The following IL17RB variants were observed in gnomAD, a reference collection of about 807,000 sequenced individuals.
IL17RB encodes the protein interleukin-17 receptor B.
A neutral mutation model predicts 43.9 loss-of-function variants in IL17RB; 36 were observed. The ratio of observed to expected loss-of-function variants is 0.82; its 90% confidence interval spans 0.63 to 1.08. The LOEUF (loss-of-function observed/expected upper bound fraction) is 1.08, where lower values mean the gene tolerates loss of function less well. Among genes scored for constraint, IL17RB ranks in the 50% least tolerant of loss-of-function variants. The pLI, the probability that IL17RB is intolerant of heterozygous loss-of-function variation, is 0.00. For missense variants in IL17RB, 613 were observed against 613.6 expected (o/e 1.00, Z 0.01); for synonymous variants, 225 against 225.4 (o/e 1.00, Z 0.02).
chr3:53,857,720 G>A (rs1171488102), intron 8 of IL17RB, 30 bp downstream of exon 8: 2 of 1,574,916 alleles, frequency 1.3e-6, no homozygotes, highest in Admixed American at 3.3e-5. Flanking sequence ...TCTGGGGAGG[G>A]AAGGGACATA....
chr3:53,861,576 GATTT>G (rs1699566643), intron 10 of IL17RB: 1 of 152,152 alleles, frequency 6.6e-6, no homozygotes, highest in African/African-American at 2.4e-5. Context: ...ACTCTAATAT[GATTT>G]GAGAAAAAGC....
chr3:53,858,799 C>T lies in IL17RB; in HGVS notation c.828C>T (p.Val276=). 6.2e-7 allele frequency: 1 copy of T among 1,614,108 alleles called. No homozygotes were observed. The highest frequency in any genetic ancestry group is 8.5e-7 in the Non-Finnish European group (1 of 1,179,946). The change falls in exon 9 of 11, where the codon GTC becomes GTT. Residue 276 remains valine (V), a synonymous_variant. Transcript: ENST00000288167. ...GTVVLCPQTG[V]PFPLDNNKSK... ...TTGTGCTCTGCCCACAAACAGGCGT[C>T]CCTTTCCCTCTGGATAACAGTAAGT...
Position 53,865,521 on chromosome 3 carries a change from A to G in IL17RB, c.*213A>G. ...TTACAACTTCAAAGCTGTTTTATACATAGAAATCAATTACAGTTTTAATTG... is the reference window on the plus strand; with the variant it reads ...TTACAACTTCAAAGCTGTTTTATACGTAGAAATCAATTACAGTTTTAATTG... On this transcript the variant is annotated 3_prime_UTR_variant, in exon 11 of 11. Coordinates refer to ENST00000288167, the MANE Select transcript of IL17RB (RefSeq NM_018725.4). The G allele has an allele frequency of 1.9e-6, 1 of 513,236 alleles. No individual in the cohort carries two copies. The highest frequency in any genetic ancestry group is 3.4e-6 in the Non-Finnish European group (1 of 292,522). The allele number at this position is 513,236 out of a possible 1,614,324, so 31.8% of individuals were successfully genotyped here.
chr3:53,857,795 A>ACTTAACTGGTGTCTGCTG, intron 8 of IL17RB, 105 bp downstream of exon 8: 1 of 1,018,010 alleles, frequency 9.8e-7, no homozygotes, highest in Non-Finnish European at 1.5e-6. Flanking sequence ...CACTTCTGCC[A>ACTTAACTGGTGTCTGCTG]GCAGACACCA....
intron 1 of IL17RB, among the ~76,000 whole-genome samples, chr3:53,847,569 G>C (rs1274968628): frequency 6.6e-6 from 1 of 151,966 alleles, no homozygotes; most frequent in Non-Finnish European, 1.5e-5. Context: ...TGAGGCGGCC[G>C]GATTGCCTGA....
In IL17RB at chr3:53,864,753, C is replaced by A. The variant is rs760286002; in HGVS notation, c.954C>A (p.Ile318=). The A allele has an allele frequency of 6.2e-7, 1 of 1,605,020 alleles. No individual in the cohort carries two copies. Among genetic ancestry groups the A allele is most frequent in the South Asian group, 1.1e-5 (1 of 90,334 alleles). ...GIYLMWRHER[I]KKTSFSTTTL... The stretch of plus-strand genomic sequence containing the variant: ...GCTTTTCTCCTCTCACAGAAAGGAT[C>A]AAGAAGACTTCCTTTTCTACCACCA... The change falls in exon 11 of 11, where the codon ATC becomes ATA. Residue 318 remains isoleucine (I), a synonymous_variant. Coordinates refer to ENST00000288167, the MANE Select transcript of IL17RB (RefSeq NM_018725.4).
At chr3:53,864,510 G>A (rs1315302256) in intron 10 of IL17RB, among the ~76,000 whole-genome samples, 3 of 152,140 alleles carry the variant, frequency 2.0e-5, no homozygotes, top group Admixed American at 2.0e-4. Context: ...ACTCCAGCCT[G>A]GGCGACAGAG....
chr3:53,858,789 AAAC>A lies in IL17RB; in HGVS notation c.820_822del (p.Thr274del). 1 of 1,614,198 alleles carries A rather than the reference AAAC, an allele frequency of 6.2e-7. No individual in the cohort carries two copies. The highest frequency in any genetic ancestry group is 1.6e-4 in the Middle Eastern group (1 of 6,062). On this transcript the variant is annotated inframe_deletion, in exon 9 of 11. Transcript: ENST00000288167. ...AAAGGAACAGTTGTGCTCTGCCCAC[AAAC>A]AGGCGTCCCTTTCCCTCTGGATAAC...
rs1457069429 is a variant in IL17RB at position 53,860,204 on chromosome 3, G to C, written c.922G>C (p.Gly308Arg). ...GGTGGCCACATGGGTGCTGGTGGCA[G>C]GGATCTATCTAATGTGGAGGCACGG... Reference protein sequence around the residue: ...LLVATWVLVAGIYLMWRHERI... With the variant: ...LLVATWVLVARIYLMWRHERI... Residue 308 changes from glycine (G) to arginine (R), a missense_variant, in exon 10 of 11, where the codon GGG (glycine) becomes CGG (arginine). By Grantham distance (125) the Gly-to-Arg change is moderately radical. Coordinates refer to ENST00000288167, the MANE Select transcript of IL17RB (RefSeq NM_018725.4). 3 of 1,613,540 alleles carry C rather than the reference G, an allele frequency of 1.9e-6. No homozygotes were observed. Among genetic ancestry groups the C allele is most frequent in the African/African-American group, 2.7e-5 (2 of 74,928 alleles).
chr3:53,860,948 G>A (rs986770391), intron 10 of IL17RB: 2 of 152,178 alleles, frequency 1.3e-5, no homozygotes, highest in Non-Finnish European at 2.9e-5. Context: ...AGAGAAACGT[G>A]AGCATAAAGA....
rs966421383 is a variant in IL17RB, at chr3:53,847,073, T to C, written c.60+425T>C. Among the ~76,000 whole-genome samples, 13 of 152,182 alleles carry C rather than the reference T, an allele frequency of 8.5e-5. No individual in the cohort carries two copies. In the South Asian group the frequency reaches 2.5e-3, roughly 29 times the overall value. On this transcript the variant is annotated intron_variant, in intron 1 of 10. Transcript: ENST00000288167. ...TTCTCCATTAGTACCCCCTCCCTTT[T>C]TGGCCATATTGATTGCCATGTTCAC...
Position 53,865,400 on chromosome 3 carries a change from C to A in IL17RB, c.*92C>A. The A allele has an allele frequency of 3.2e-6, 3 of 950,178 alleles. No homozygotes were observed. The highest frequency in any genetic ancestry group is 3.1e-6 in the Non-Finnish European group (2 of 654,020). 58.9% of individuals were successfully genotyped at this position (950,178 alleles called of 1,614,324 possible). On this transcript the variant is annotated 3_prime_UTR_variant, in exon 11 of 11. Coordinates refer to ENST00000288167, the MANE Select transcript of IL17RB (RefSeq NM_018725.4). ...GATGATCCTGAAGCTTACTATGCAGCCTACAAACAGCCTTAGTAATTAAAA... is the reference window on the plus strand; with the variant it reads ...GATGATCCTGAAGCTTACTATGCAGACTACAAACAGCCTTAGTAATTAAAA...
chr3:53,857,928 T>A (rs1699405203), intron 8 of IL17RB: 1 of 508,866 alleles, frequency 2.0e-6, no homozygotes. Flanking sequence ...CAAAGCACTT[T>A]TTATTTTCAT....
At chr3:53,852,458 T>TA (rs28385670) in intron 4 of IL17RB, among the ~76,000 whole-genome samples, 5,512 of 152,276 alleles carry the variant, frequency 0.036, 244 homozygotes, top group East Asian at 0.2. Flanking sequence ...TGTATTTGGC[T>TA]AATTGTTGCT....
At position 53,864,839 on chromosome 3, in the gene IL17RB, C is replaced by A. The variant is rs1170135798; in HGVS notation, c.1040C>A (p.Thr347Lys). Residue 347 changes from threonine (T) to lysine (K), a missense_variant, in exon 11 of 11, where the codon ACA becomes AAA. By Grantham distance (78) the Thr-to-Lys change is moderately conservative (BLOSUM62 -1). Coordinates refer to ENST00000288167, the MANE Select transcript of IL17RB (RefSeq NM_018725.4). Reference sequence around the variant, plus strand: ...CCATCTGAAATATGTTTCCATCACACAATTTGTTACTTCACTGAATTTCTT... The same window carrying A: ...CCATCTGAAATATGTTTCCATCACAAAATTTGTTACTTCACTGAATTTCTT... The part of the protein sequence containing the change: ...VYPSEICFHH[T>K]ICYFTEFLQN... 6.2e-7 allele frequency: 1 copy of A among 1,614,112 alleles called. No homozygotes were observed. Among genetic ancestry groups the A allele is most frequent in the Non-Finnish European group, 8.5e-7 (1 of 1,179,940 alleles).
chr3:53,855,276 TTTCA>T lies in IL17RB; in HGVS notation c.482-13_482-10del. ...ATACCTTTTTCTAAAATGTAAAAAC[TTTCA>T]TTCAAATTTCCAGGCTGCCTAGACC... On this transcript the variant is annotated splice_polypyrimidine_tract_variant and intron_variant, in intron 5 of 10. Coordinates refer to ENST00000288167, the MANE Select transcript of IL17RB (RefSeq NM_018725.4). 1 of 1,591,304 alleles carries T rather than the reference TTTCA, an allele frequency of 6.3e-7. No homozygotes were observed. Among genetic ancestry groups the T allele is most frequent in the East Asian group, 2.2e-5 (1 of 44,732 alleles).
intron 3 of IL17RB, among the ~76,000 whole-genome samples, chr3:53,850,359 T>C (rs968114733): frequency 6.6e-6 from 1 of 150,762 alleles, no homozygotes; most frequent in Admixed American, 6.6e-5. Flanking sequence ...TAGCCAGATG[T>C]GGTGTTGCAC....
chr3:53,847,772 G>A (rs1445262005), intron 1 of IL17RB, among the ~76,000 whole-genome samples: 1 of 151,540 alleles, frequency 6.6e-6, no homozygotes, highest in Non-Finnish European at 1.5e-5. Context: ...TCCAGCCTGG[G>A]TGACAAAGTG....
chr3:53,858,566 T>TA (rs1157304487), intron 8 of IL17RB, 153 bp from the exon 9 acceptor site: 1 of 1,447,720 alleles, frequency 6.9e-7, no homozygotes, highest in African/African-American at 1.4e-5. Flanking sequence ...AGGGCTTTGT[T>TA]ACAGATGTGT....
Sources: allele counts gnomAD v4.1 joint callset (sites outside exome capture counted in the v4.1 genomes callset), GRCh38; gene constraint gnomAD v4.1.1; transcripts MANE v1.5; gene names NCBI Gene and HGNC (gene_info 2026-07-23, HGNC 2026-07-21).